HEG1: variants seen among roughly 807,000 people sequenced by gnomAD.
The protein encoded by HEG1 is protein HEG homolog 1.
A neutral mutation model predicts 125.6 loss-of-function variants in HEG1; 56 were observed. That is an observed-to-expected ratio of 0.45 (90% confidence interval 0.36 to 0.56). HEG1 has a LOEUF of 0.56. Among genes scored for constraint, HEG1 ranks in the 20% least tolerant of loss-of-function variants. HEG1 has a pLI of 0.00. For synonymous variants in HEG1, 644 were observed against 668.5 expected, an observed-to-expected ratio of 0.96 and a Z score of 0.57; for missense variants, 1,523 against 1,670.0, an observed-to-expected ratio of 0.91 and a Z score of 1.53.
intron 15 of HEG1, among the ~76,000 whole-genome samples, chr3:124,976,816 C>T (rs1936549995): frequency 6.6e-6 from 1 of 152,196 alleles, no homozygotes; most frequent in Non-Finnish European, 1.5e-5. Context: ...CTTTCTTTCT[C>T]ATCAGGTGGC....
intron 1 of HEG1, among the ~76,000 whole-genome samples, chr3:125,044,648 C>T (rs1467958263): frequency 6.6e-6 from 1 of 152,066 alleles, no homozygotes; most frequent in Admixed American, 6.5e-5. Context: ...AAAACTGGAT[C>T]CAAACCCAGG....
At chr3:125,034,218 A>G (rs1472214214) in intron 1 of HEG1, among the ~76,000 whole-genome samples, 3 of 41,270 alleles carry the variant, frequency 7.3e-5, no homozygotes, top group Non-Finnish European at 1.8e-4. Flanking sequence ...TCCATGAGGA[A>G]ACAAGACATC....
intron 5 of HEG1, among the ~76,000 whole-genome samples, chr3:125,014,305 C>T (rs1228653473): frequency 1.3e-5 from 2 of 152,152 alleles, no homozygotes; most frequent in Non-Finnish European, 2.9e-5. Flanking sequence ...CTCCACATGC[C>T]TTTTTCGATA....
chr3:124,984,266 A>T (rs1936703347), intron 14 of HEG1, among the ~76,000 whole-genome samples: 1 of 151,972 alleles, frequency 6.6e-6, no homozygotes, highest in Non-Finnish European at 1.5e-5. Context: ...GCAGACTCTC[A>T]CTCCCTGCTG....
At chr3:125,016,336 G>T (rs770180910) in intron 5 of HEG1, among the ~76,000 whole-genome samples, 4 of 152,208 alleles carry the variant, frequency 2.6e-5, no homozygotes, top group Non-Finnish European at 5.9e-5. Flanking sequence ...AACCCACAGT[G>T]AGATGGTTTC....
In HEG1 at chr3:125,012,923, G is replaced by C; in HGVS notation, c.2656C>G (p.Pro886Ala). 1 of 1,614,072 alleles carries C rather than the reference G, an allele frequency of 6.2e-7. No individual in the cohort carries two copies. The stretch of plus-strand genomic sequence containing the variant: ...GAGATTTGAGGAACTAGTATTTCAG[G>C]ATGGGTCAGCGAGAGCTGTTTTCCA... ...TAGKQLSLTH[P>A]EILVPQISTE... The change falls in exon 6 of 17, where the codon CCT (proline) becomes GCT (alanine). Residue 886 changes from proline to alanine, a missense_variant. Transcript: ENST00000311127.
At chr3:124,985,139 G>A (rs1936717659) in intron 14 of HEG1, among the ~76,000 whole-genome samples, 1 of 152,146 alleles carries the variant, frequency 6.6e-6, no homozygotes. Context: ...TTATGGGCCT[G>A]GTGAGAATTC....
At chr3:125,020,544 TAA>T (rs1419097095) in intron 4 of HEG1, among the ~76,000 whole-genome samples, 2 of 152,178 alleles carry the variant, frequency 1.3e-5, no homozygotes, top group African/African-American at 4.8e-5. Flanking sequence ...CTGAGTGAGC[TAA>T]ATGGCCAGGC....
Position 125,045,356 on chromosome 3 carries a change from C to T in HEG1, c.316+10219G>A, listed in dbSNP as rs908952859. ...GATCACCCCTTCCAAGAAGTATTCC[C>T]CAGAGACAACTCTCTCCCTCTGGAC... On this transcript the variant is annotated intron_variant, in intron 1 of 16. Coordinates refer to ENST00000311127, the MANE Select transcript of HEG1 (RefSeq NM_020733.2). Among the ~76,000 whole-genome samples, 5 of 152,216 alleles carry T rather than the reference C, an allele frequency of 3.3e-5. No individual in the cohort carries two copies. In the East Asian group the frequency reaches 9.6e-4, roughly 29 times the overall value.
At chr3:124,987,643 C>T (rs1936759576) in intron 14 of HEG1, among the ~76,000 whole-genome samples, 1 of 151,536 alleles carries the variant, frequency 6.6e-6, no homozygotes, top group Non-Finnish European at 1.5e-5. Flanking sequence ...GCCTCAGCCT[C>T]CTGAGTAGCT....
chr3:124,987,077 T>G (rs1273053692), intron 14 of HEG1, among the ~76,000 whole-genome samples: 11 of 152,202 alleles, frequency 7.2e-5, no homozygotes, highest in Non-Finnish European at 1.0e-4. Flanking sequence ...TGGTAGCTCA[T>G]GCCTGTAATC....
chr3:125,028,641 G>A (rs1272674493), intron 2 of HEG1, among the ~76,000 whole-genome samples: 1 of 152,220 alleles, frequency 6.6e-6, no homozygotes, highest in Non-Finnish European at 1.5e-5. Context: ...TGCCTAAAAG[G>A]AGAATAACAT....
chr3:124,983,644 C>T (rs1936690509), intron 14 of HEG1, among the ~76,000 whole-genome samples: 1 of 151,908 alleles, frequency 6.6e-6, no homozygotes, highest in Non-Finnish European at 1.5e-5. Flanking sequence ...CAAATTTTGC[C>T]TTTAAAATCT....
intron 14 of HEG1, among the ~76,000 whole-genome samples, chr3:124,987,952 C>CACACACACATATATATATATAT: frequency 1.8e-5 from 1 of 54,658 alleles, no homozygotes; most frequent in Non-Finnish European, 4.6e-5. Flanking sequence ...CACACACACA[C>CACACACACATATATATATATAT]ATATATATAT....
At chr3:125,022,641 C>T (rs1236486195) in intron 3 of HEG1, among the ~76,000 whole-genome samples, 1 of 149,228 alleles carries the variant, frequency 6.7e-6, no homozygotes, top group African/African-American at 2.5e-5. Flanking sequence ...TACTTAAAAA[C>T]ATAAACCAAA....
intron 11 of HEG1, 78 bp from the exon 12 acceptor site, chr3:124,997,901 G>A: frequency 4.2e-6 from 6 of 1,421,632 alleles, no homozygotes; most frequent in East Asian, 5.0e-5. Context: ...CCACTTCAAA[G>A]CTCATGTGTC....
chr3:124,993,521 T>C (rs1364248103), intron 12 of HEG1, among the ~76,000 whole-genome samples: 1 of 152,144 alleles, frequency 6.6e-6, no homozygotes, highest in Admixed American at 6.5e-5. Context: ...ATGCCTCTGC[T>C]TCATACTGCA....
At position 125,023,917 on chromosome 3, in the gene HEG1, G is replaced by A. The variant is rs186947371; in HGVS notation, c.914-2787C>T. On this transcript the variant is annotated intron_variant, in intron 3 of 16. Transcript: ENST00000311127. Reference sequence around the variant, plus strand: ...TGGAACCTCAGGAACACATCGGAACGCTCAACCTTGACCTGACTGCTATCC... The same window carrying A: ...TGGAACCTCAGGAACACATCGGAACACTCAACCTTGACCTGACTGCTATCC... Among the ~76,000 whole-genome samples, 472 of 152,272 alleles carry A rather than the reference G, an allele frequency of 3.1e-3. 1 individual carries two copies. Among genetic ancestry groups the A allele is most frequent in the Non-Finnish European group, 6.1e-3 (412 of 68,020 alleles).
At chr3:125,024,550 C>T (rs1172715907) in intron 3 of HEG1, among the ~76,000 whole-genome samples, 1 of 152,146 alleles carries the variant, frequency 6.6e-6, no homozygotes, top group Non-Finnish European at 1.5e-5. Flanking sequence ...GGACATAAAG[C>T]AGCAAAAGAT....
Sources: allele counts gnomAD v4.1 joint callset (sites outside exome capture counted in the v4.1 genomes callset), GRCh38; gene constraint gnomAD v4.1.1; transcripts MANE v1.5; gene names NCBI Gene and HGNC (gene_info 2026-07-23, HGNC 2026-07-21).